BABAM2: variants seen among roughly 807,000 people sequenced by gnomAD.
BABAM2 encodes the protein BRISC and BRCA1-A complex member 2.
In BABAM2, 31 loss-of-function variants were observed where a neutral mutation model predicts 54.7. The ratio of observed to expected loss-of-function variants is 0.57; its 90% CI spans 0.43 to 0.77. The LOEUF is 0.77. BABAM2 is among the 30% of genes least tolerant of loss of function. BABAM2 has a pLI of 0.00. For synonymous variants in BABAM2, 167 were observed against 162.9 expected (o/e 1.03, Z -0.19); for missense variants, 364 against 455.8 (o/e 0.80, Z 1.83).
intron 7 of BABAM2, among the ~76,000 whole-genome samples, chr2:28,191,375 C>T (rs1676889396): frequency 6.6e-6 from 1 of 152,160 alleles, no homozygotes; most frequent in Admixed American, 6.5e-5. Flanking sequence ...GATGACCCAG[C>T]CATTCTACTG....
intron 7 of BABAM2, among the ~76,000 whole-genome samples, chr2:28,173,437 C>T (rs769106988): frequency 4.6e-5 from 7 of 152,156 alleles, no homozygotes; most frequent in African/African-American, 1.2e-4. Flanking sequence ...CAAACAGCCC[C>T]GGGAGAGAGA....
At chr2:28,182,688 G>A (rs556858050) in intron 7 of BABAM2, among the ~76,000 whole-genome samples, 2 of 152,306 alleles carry the variant, frequency 1.3e-5, no homozygotes, top group Admixed American at 6.5e-5. Flanking sequence ...TACACCAACT[G>A]TTGTTTGTAG....
chr2:28,031,824 A>G (rs1444960782), intron 5 of BABAM2, among the ~76,000 whole-genome samples: 1 of 152,184 alleles, frequency 6.6e-6, no homozygotes, highest in African/African-American at 2.4e-5. Flanking sequence ...AGAGATGTTC[A>G]GTGGGTTGTA....
intron 7 of BABAM2, among the ~76,000 whole-genome samples, chr2:28,138,007 C>T (rs1223691023): frequency 3.9e-5 from 6 of 151,932 alleles, no homozygotes; most frequent in Non-Finnish European, 5.9e-5. Flanking sequence ...TTTTTTCTGC[C>T]GTGAAGATGA....
intron 10 of BABAM2, among the ~76,000 whole-genome samples, chr2:28,284,053 A>G (rs1028990731): frequency 1.3e-5 from 2 of 152,146 alleles, no homozygotes; most frequent in Admixed American, 6.5e-5. Flanking sequence ...AAGTCAGGCA[A>G]CTCACTCAAG....
chr2:28,274,879 G>T (rs189109095), intron 10 of BABAM2, among the ~76,000 whole-genome samples: 1 of 152,190 alleles, frequency 6.6e-6, no homozygotes, highest in Non-Finnish European at 1.5e-5. Flanking sequence ...GAGAGGTTAT[G>T]TAACATCAAC....
intron 6 of BABAM2, among the ~76,000 whole-genome samples, chr2:28,060,722 A>G (rs1389918330): frequency 6.6e-6 from 1 of 152,216 alleles, no homozygotes; most frequent in East Asian, 1.9e-4. Context: ...TTTTAAAGAT[A>G]ACATTTATAA....
chr2:27,938,252 T>C (rs985913680), intron 3 of BABAM2, among the ~76,000 whole-genome samples: 5 of 152,224 alleles, frequency 3.3e-5, no homozygotes, highest in Non-Finnish European at 5.9e-5. Flanking sequence ...CAACATAATA[T>C]TCGTCTTTAG....
rs1373074499 is a variant in BABAM2 at position 28,322,432 on chromosome 2, G to A, written c.1089-16018G>A. On this transcript the variant is annotated intron_variant, in intron 11 of 11. Coordinates refer to ENST00000379624, the MANE Select transcript of BABAM2 (RefSeq NM_199191.3). The surrounding 1 kb of genome is among the most constrained non-coding windows in gnomAD (Gnocchi z 4.1). ...GTTTCAAGGGGACAGATTCCAGTTC[G>A]GGAGAGAGAAGAACCCTGTAACTCT... Among the ~76,000 whole-genome samples, 1 of 152,200 alleles carries A rather than the reference G, an allele frequency of 6.6e-6. No individual in the cohort carries two copies. The highest frequency in any genetic ancestry group is 1.5e-5 in the Non-Finnish European group (1 of 68,026).
intron 10 of BABAM2, among the ~76,000 whole-genome samples, chr2:28,251,960 G>A (rs1683529397): frequency 6.6e-6 from 1 of 152,160 alleles, no homozygotes; most frequent in Non-Finnish European, 1.5e-5. Flanking sequence ...GGAGGCCAAG[G>A]TGGGTAGATC....
chr2:27,967,150 A>G (rs1670892996), intron 3 of BABAM2, among the ~76,000 whole-genome samples: 1 of 152,170 alleles, frequency 6.6e-6, no homozygotes. Flanking sequence ...AAATTTGAGT[A>G]CATATACTTC....
intron 11 of BABAM2, among the ~76,000 whole-genome samples, chr2:28,323,955 G>A (rs1270268805): frequency 6.6e-6 from 1 of 152,230 alleles, no homozygotes; most frequent in Non-Finnish European, 1.5e-5. Flanking sequence ...TGAGAGGGAG[G>A]TCAAGGTCAT....
chr2:28,258,291 A>G (rs1160899229), intron 10 of BABAM2, among the ~76,000 whole-genome samples: 1 of 152,198 alleles, frequency 6.6e-6, no homozygotes, highest in African/African-American at 2.4e-5. Context: ...TTGGGTAAAA[A>G]CGTAGAAGTG....
chr2:28,039,995 G>A (rs574264044), intron 5 of BABAM2, among the ~76,000 whole-genome samples: 203 of 152,054 alleles, frequency 1.3e-3, no homozygotes, highest in African/African-American at 3.6e-3. Context: ...TTCACTTGGC[G>A]GCATCTAAAT....
intron 6 of BABAM2, among the ~76,000 whole-genome samples, chr2:28,076,092 T>C (rs189419543): frequency 6.6e-6 from 1 of 152,124 alleles, no homozygotes; most frequent in East Asian, 1.9e-4. Context: ...AAGGAGACCC[T>C]GTCTCTACAA....
chr2:28,310,650 G>A (rs538945589), intron 11 of BABAM2, among the ~76,000 whole-genome samples: 18 of 152,106 alleles, frequency 1.2e-4, no homozygotes, highest in Admixed American at 4.6e-4. Context: ...TTGGGAGGCC[G>A]AGGCAGGTGG....
chr2:28,200,246 C>T (rs1678118040), intron 7 of BABAM2, among the ~76,000 whole-genome samples: 1 of 152,166 alleles, frequency 6.6e-6, no homozygotes, highest in Admixed American at 6.5e-5. Flanking sequence ...TGCTGACTCT[C>T]CTGTATTCAT....
chr2:28,318,792 C>T lies in BABAM2; in HGVS notation c.1089-19658C>T, dbSNP rs538945311. On this transcript the variant is annotated intron_variant, in intron 11 of 11. Transcript: ENST00000379624. ...CCCAGCTGTGTAGGCATGGTTTAATCTGACTGTCTTCAGTGGCATGGTTTG... is the reference window on the plus strand; with the variant it reads ...CCCAGCTGTGTAGGCATGGTTTAATTTGACTGTCTTCAGTGGCATGGTTTG... Among the ~76,000 whole-genome samples, 9 of 152,318 alleles carry T rather than the reference C, an allele frequency of 5.9e-5. No homozygotes were observed. The South Asian group carries it at 1.9e-3, about 32-fold the overall frequency.
upstream of BABAM2, chr2:27,890,201 C>CGCACG: frequency 6.5e-7 from 1 of 1,547,354 alleles, no homozygotes; most frequent in East Asian, 2.3e-5. This position sits in a 1 kb window ranked among gnomAD's most constrained non-coding sequence, Gnocchi z 4.8. Flanking sequence ...GGGCGCATAG[C>CGCACG]GCACGGCACG....
Sources: allele counts gnomAD v4.1 joint callset (sites outside exome capture counted in the v4.1 genomes callset), GRCh38; gene constraint gnomAD v4.1.1; non-coding constraint Gnocchi (gnomAD v3.1); transcripts MANE v1.5; gene names NCBI Gene and HGNC (gene_info 2026-07-23, HGNC 2026-07-21).